The following NR2C2 variants were observed in gnomAD, a reference collection of about 807,000 sequenced individuals.
NR2C2 encodes the protein nuclear receptor subfamily 2 group C member 2.
A neutral mutation model predicts 62.9 loss-of-function variants in NR2C2; 6 were observed. That is an observed-to-expected ratio of 0.10 (90% confidence interval 0.05 to 0.19). The LOEUF (loss-of-function observed/expected upper bound fraction) is 0.19. Among genes scored for constraint, NR2C2 ranks in the 10% least tolerant of loss-of-function variants. The pLI is 1.00. For synonymous variants in NR2C2, 272 were observed against 273.8 expected (o/e 0.99, Z 0.07); for missense variants, 479 against 762.7 (o/e 0.63, Z 4.38).
At chr3:14,985,125 T>G (rs1046011937) in intron 1 of NR2C2, among the ~76,000 whole-genome samples, 1 of 152,164 alleles carries the variant, frequency 6.6e-6, no homozygotes, top group Non-Finnish European at 1.5e-5. Flanking sequence ...TTATTAAAAT[T>G]GAGTTATTTC....
chr3:14,964,086 T>G (rs893383852), intron 1 of NR2C2, among the ~76,000 whole-genome samples: 1 of 152,244 alleles, frequency 6.6e-6, no homozygotes, highest in Admixed American at 6.5e-5. Context: ...CAGTGGGTTC[T>G]TGGAAACCAG....
At chr3:14,964,807 C>G (rs1475103352) in intron 1 of NR2C2, among the ~76,000 whole-genome samples, 1 of 152,132 alleles carries the variant, frequency 6.6e-6, no homozygotes, top group African/African-American at 2.4e-5. Flanking sequence ...CAGGCGTGAG[C>G]CACCGTGCCC....
intron 11 of NR2C2, 112 bp downstream of exon 11, chr3:15,034,921 A>C (rs1359980802): frequency 8.7e-7 from 1 of 1,153,794 alleles, no homozygotes; most frequent in Non-Finnish European, 1.2e-6. Context: ...TTGTTGACCC[A>C]GGCTGGCAAC....
At chr3:15,033,616 C>T (rs926106978) in intron 10 of NR2C2, among the ~76,000 whole-genome samples, 4 of 130,810 alleles carry the variant, frequency 3.1e-5, no homozygotes, top group African/African-American at 5.7e-5. Context: ...TTGCTACTAT[C>T]TGGTAGGTGG....
At chr3:15,037,326 C>A (rs1467420645) in intron 11 of NR2C2, among the ~76,000 whole-genome samples, 3 of 152,036 alleles carry the variant, frequency 2.0e-5, no homozygotes, top group African/African-American at 7.2e-5. Flanking sequence ...CTGCCTTGGC[C>A]TCCCGAAATA....
At chr3:14,989,924 CAAAAAAAAAA>C (rs34980642) in intron 1 of NR2C2, among the ~76,000 whole-genome samples, 55 of 51,024 alleles carry the variant, frequency 1.1e-3, no homozygotes, top group African/African-American at 3.0e-3. Context: ...GACTCCATCT[CAAAAAAAAAA>C]AAAAAAAAAA....
chr3:15,038,970 T>C, intron 12 of NR2C2, 152 bp from the exon 13 acceptor site: 1 of 629,002 alleles, frequency 1.6e-6, no homozygotes. Flanking sequence ...GAAAAGCCAG[T>C]GTTCTAATAA....
chr3:14,954,971 C>T (rs1239562785), intron 1 of NR2C2, among the ~76,000 whole-genome samples: 1 of 152,146 alleles, frequency 6.6e-6, no homozygotes, highest in East Asian at 1.9e-4. Flanking sequence ...GCTGGGACTA[C>T]AGGCGTGTGC....
intron 1 of NR2C2, among the ~76,000 whole-genome samples, chr3:14,973,572 A>T (rs535340385): frequency 6.6e-6 from 1 of 152,038 alleles, no homozygotes; most frequent in African/African-American, 2.4e-5. Flanking sequence ...ATTTAGTACT[A>T]AATTTTAGAG....
chr3:14,986,127 C>G (rs967192354), intron 1 of NR2C2, among the ~76,000 whole-genome samples: 3 of 151,928 alleles, frequency 2.0e-5, no homozygotes, highest in Admixed American at 2.0e-4. Context: ...TTTTTAAAGA[C>G]CCTTTTACTG....
At chr3:15,019,555 T>C (rs2041612398) in intron 4 of NR2C2, among the ~76,000 whole-genome samples, 1 of 152,210 alleles carries the variant, frequency 6.6e-6, no homozygotes, top group Non-Finnish European at 1.5e-5. Context: ...AAAGAAAATG[T>C]GGTATGTAAC....
chr3:14,967,120 C>T (rs1265169358), intron 1 of NR2C2, among the ~76,000 whole-genome samples: 1 of 152,108 alleles, frequency 6.6e-6, no homozygotes, highest in Non-Finnish European at 1.5e-5. Flanking sequence ...TTCATTTCAT[C>T]TAAGTTATCT....
rs1351726550 is a variant in NR2C2 at position 15,047,659 on chromosome 3, TATGACTGAATAA to T, written c.*4654_*4665del. On this transcript the variant is annotated 3_prime_UTR_variant, in exon 14 of 14. Coordinates refer to ENST00000425241, the MANE Select transcript of NR2C2 (RefSeq NM_001291694.2). ...GTCAGCAAGATGTGGGGCACTGTCC[TATGACTGAATAA>T]ATAGTAATTCCCATCTTTCTATCGC... 1 of 152,230 alleles carries T rather than the reference TATGACTGAATAA, an allele frequency of 6.6e-6. No homozygotes were observed. Among genetic ancestry groups the T allele is most frequent in the Non-Finnish European group, 1.5e-5 (1 of 68,030 alleles). 9.4% of individuals were successfully genotyped at this position (152,230 alleles called of 1,614,324 possible).
Position 14,977,477 on chromosome 3 carries a change from C to A in NR2C2, c.-39-26399C>A, listed in dbSNP as rs1026631536. Among the ~76,000 whole-genome samples the A allele has an allele frequency of 2.6e-5, 4 of 152,154 alleles. No individual in the cohort carries two copies. In the South Asian group the frequency reaches 8.3e-4, roughly 32 times the overall value. On this transcript the variant is annotated intron_variant, in intron 1 of 13. Coordinates refer to ENST00000425241, the MANE Select transcript of NR2C2 (RefSeq NM_001291694.2). ...ACTCTTTCTCCCTCTATTTTTATAG[C>A]AACTTTTTCTTCATGGGTACAGTAG...
At chr3:14,966,159 A>G (rs1234009438) in intron 1 of NR2C2, among the ~76,000 whole-genome samples, 3 of 152,230 alleles carry the variant, frequency 2.0e-5, no homozygotes, top group Non-Finnish European at 2.9e-5. Flanking sequence ...AGAGATAATT[A>G]ATAGTCAGTT....
At chr3:15,017,676 A>G (rs1304652441) in intron 4 of NR2C2, among the ~76,000 whole-genome samples, 3 of 152,200 alleles carry the variant, frequency 2.0e-5, no homozygotes, top group African/African-American at 7.2e-5. Context: ...TAGAGAACTC[A>G]AGGAAATATA....
At chr3:14,950,606 T>C (rs1480952350) in intron 1 of NR2C2, among the ~76,000 whole-genome samples, 2 of 146,588 alleles carry the variant, frequency 1.4e-5, no homozygotes, top group Non-Finnish European at 3.0e-5. Flanking sequence ...CCATTGCCAG[T>C]CTAAATCAGA....
At chr3:15,029,191 C>T (rs1250221802) in intron 8 of NR2C2, among the ~76,000 whole-genome samples, 7 of 151,616 alleles carry the variant, frequency 4.6e-5, no homozygotes, top group African/African-American at 1.7e-4. Context: ...GTGATCTTCC[C>T]GCCTCAGCAT....
chr3:15,020,522 G>A (rs2041642951), intron 4 of NR2C2, among the ~76,000 whole-genome samples: 2 of 152,188 alleles, frequency 1.3e-5, no homozygotes, highest in Non-Finnish European at 2.9e-5. Flanking sequence ...TAACCTGTCT[G>A]AGTTTCAGTA....
Sources: allele counts gnomAD v4.1 joint callset (sites outside exome capture counted in the v4.1 genomes callset), GRCh38; gene constraint gnomAD v4.1.1; transcripts MANE v1.5; gene names NCBI Gene and HGNC (gene_info 2026-07-23, HGNC 2026-07-21).